Variants in PELI1 observed in about 807,000 individuals in gnomAD.
PELI1 encodes the protein E3 ubiquitin-protein ligase pellino homolog 1.
In PELI1, 15 loss-of-function variants were observed where a neutral mutation model predicts 41.3. That is an observed-to-expected ratio of 0.36 (90% CI 0.24 to 0.56). The LOEUF (loss-of-function observed/expected upper bound fraction) is 0.56, where lower values mean the gene tolerates loss of function less well. PELI1 is among the 20% of genes least tolerant of loss of function. The pLI is 0.82. For synonymous variants in PELI1, 178 were observed against 180.1 expected (o/e 0.99, Z 0.09); for missense variants, 403 against 525.5 (o/e 0.77, Z 2.28).
chr2:64,137,558 T>A (rs898413607), intron 1 of PELI1, among the ~76,000 whole-genome samples: 1 of 152,036 alleles, frequency 6.6e-6, no homozygotes, highest in Admixed American at 6.6e-5. Context: ...TACTAGTCAC[T>A]CTCAGAGGTT....
At position 64,116,535 on chromosome 2, in the gene PELI1, T is replaced by G. The variant is rs183451755; in HGVS notation, c.-69-8156A>C. On this transcript the variant is annotated intron_variant, in intron 1 of 6. Transcript: ENST00000358912. ...ACTGGTAGTCCCTTTTCATAATGGC[T>G]AACACTGAATTCAGTCTCTGTGCCA... Among the ~76,000 whole-genome samples, 129 of 152,336 alleles carry G rather than the reference T, an allele frequency of 8.5e-4. 1 individual carries two copies. Among genetic ancestry groups the G allele is most frequent in the Admixed American group, 2.9e-3 (45 of 15,308 alleles).
intron 1 of PELI1, among the ~76,000 whole-genome samples, chr2:64,137,592 C>T (rs1380175499): frequency 6.6e-6 from 1 of 152,064 alleles, no homozygotes; most frequent in Non-Finnish European, 1.5e-5. Flanking sequence ...CCAAATGATG[C>T]TACAATTATC....
At chr2:64,116,781 G>GT (rs1681007505) in intron 1 of PELI1, among the ~76,000 whole-genome samples, 1 of 152,134 alleles carries the variant, frequency 6.6e-6, no homozygotes. Flanking sequence ...CAGATACTGT[G>GT]TTTTTTACAA....
chr2:64,094,612 G>T lies in PELI1; in HGVS notation c.*90C>A. 1.2e-6 allele frequency: 1 copy of T among 802,772 alleles called. No homozygotes were observed. Among genetic ancestry groups the T allele is most frequent in the Non-Finnish European group, 2.0e-6 (1 of 495,938 alleles). 49.7% of individuals were successfully genotyped at this position (802,772 alleles called of 1,614,324 possible). A position where few individuals can be genotyped will look rare whatever the true frequency, so the allele number is the denominator to read the frequency against. The stretch of plus-strand genomic sequence containing the variant: ...CTTCATCTTAATGCAAATGACCAGA[G>T]CAGAAAAACTGTGACGTGGACAACA... On this transcript the variant is annotated 3_prime_UTR_variant, in exon 7 of 7. Coordinates refer to ENST00000358912, the MANE Select transcript of PELI1 (RefSeq NM_020651.4).
intron 6 of PELI1, among the ~76,000 whole-genome samples, chr2:64,095,906 G>C (rs1680217376): frequency 6.6e-6 from 1 of 152,174 alleles, no homozygotes; most frequent in African/African-American, 2.4e-5. Context: ...GCCTTCCAAA[G>C]TGCTGGGATT....
At chr2:64,141,087 CAG>C (rs1461572526) in intron 1 of PELI1, among the ~76,000 whole-genome samples, 1 of 152,162 alleles carries the variant, frequency 6.6e-6, no homozygotes, top group Non-Finnish European at 1.5e-5. Flanking sequence ...AATCTATAAA[CAG>C]AAAGTGCTAA....
At position 64,094,656 on chromosome 2, in the gene PELI1, A is replaced by G. The variant is rs1680165957; in HGVS notation, c.*46T>C. ...GACAACAGGTTCGAAAACCCAACTC[A>G]CTTAGCTTATAAATTTATAATGTAG... On this transcript the variant is annotated 3_prime_UTR_variant, in exon 7 of 7. Coordinates refer to ENST00000358912, the MANE Select transcript of PELI1 (RefSeq NM_020651.4). The G allele has an allele frequency of 2.1e-6, 3 of 1,446,030 alleles. No homozygotes were observed. In the Admixed American group the frequency reaches 5.3e-5, roughly 26 times the overall value. 89.6% of individuals were successfully genotyped at this position (1,446,030 alleles called of 1,614,324 possible). A position where few individuals can be genotyped will look rare whatever the true frequency, so the allele number is the denominator to read the frequency against.
intron 1 of PELI1, among the ~76,000 whole-genome samples, chr2:64,133,972 T>C (rs966124584): frequency 3.3e-5 from 5 of 152,120 alleles, no homozygotes; most frequent in Non-Finnish European, 7.4e-5. Flanking sequence ...TCTGACATTC[T>C]TACTTCATGT....
chr2:64,099,429 A>G (rs916516754), intron 4 of PELI1, among the ~76,000 whole-genome samples: 3 of 152,214 alleles, frequency 2.0e-5, no homozygotes, highest in Non-Finnish European at 4.4e-5. Flanking sequence ...GGATCTAAAC[A>G]TTAATCTTCC....
intron 1 of PELI1, among the ~76,000 whole-genome samples, chr2:64,121,808 G>C (rs1681221811): frequency 6.6e-6 from 1 of 151,938 alleles, no homozygotes; most frequent in African/African-American, 2.4e-5. Context: ...GGGAGGCTGA[G>C]GCAGGAGAAT....
At chr2:64,120,250 A>G (rs1340535234) in intron 1 of PELI1, among the ~76,000 whole-genome samples, 2 of 152,220 alleles carry the variant, frequency 1.3e-5, no homozygotes, top group Admixed American at 6.5e-5. Context: ...TCCATTCTAG[A>G]AAGTACTGCC....
At chr2:64,099,757 G>A (rs546429890) in intron 4 of PELI1, among the ~76,000 whole-genome samples, 5 of 152,160 alleles carry the variant, frequency 3.3e-5, no homozygotes, top group Non-Finnish European at 7.4e-5. Flanking sequence ...AATATTAAGG[G>A]AGAAGATCAA....
At chr2:64,126,801 A>G (rs2103728384) in intron 1 of PELI1, among the ~76,000 whole-genome samples, 1 of 152,222 alleles carries the variant, frequency 6.6e-6, no homozygotes, top group Non-Finnish European at 1.5e-5. Flanking sequence ...GGACTTTGAT[A>G]AGTGAAAAAA....
At chr2:64,116,443 G>A (rs1258788884) in intron 1 of PELI1, among the ~76,000 whole-genome samples, 1 of 152,090 alleles carries the variant, frequency 6.6e-6, no homozygotes, top group Non-Finnish European at 1.5e-5. Flanking sequence ...CAGTTATTTG[G>A]AACAAAAACA....
At chr2:64,095,365 G>C (rs900946750) in intron 6 of PELI1, 97 bp from the exon 7 acceptor site, 4 of 696,962 alleles carry the variant, frequency 5.7e-6, no homozygotes, top group Non-Finnish European at 9.8e-6. Flanking sequence ...AAGAAATGAG[G>C]TTTCCTAGGA....
chr2:64,099,330 A>T (rs900734631), intron 4 of PELI1, among the ~76,000 whole-genome samples: 8 of 129,318 alleles, frequency 6.2e-5, no homozygotes, highest in Non-Finnish European at 1.3e-4. Context: ...TCTTGATTTT[A>T]AAAAAAAGCT....
chr2:64,112,741 CA>C (rs1227512366), intron 1 of PELI1, among the ~76,000 whole-genome samples: 1 of 152,034 alleles, frequency 6.6e-6, no homozygotes, highest in Non-Finnish European at 1.5e-5. Context: ...AGATAGTTTT[CA>C]AAATTTAAAA....
At chr2:64,115,305 C>T (rs11673747) in intron 1 of PELI1, among the ~76,000 whole-genome samples, 34,437 of 151,898 alleles carry the variant, frequency 0.23, 5,189 homozygotes, top group East Asian at 0.74. Flanking sequence ...ACTAAGGGGC[C>T]CATATTTAGA....
intron 1 of PELI1, among the ~76,000 whole-genome samples, chr2:64,127,623 T>C (rs1215906292): frequency 2.0e-5 from 3 of 152,232 alleles, no homozygotes; most frequent in African/African-American, 7.2e-5. Context: ...GTTAAAAATA[T>C]ATTCATTTAA....
Sources: allele counts gnomAD v4.1 joint callset (sites outside exome capture counted in the v4.1 genomes callset), GRCh38; gene constraint gnomAD v4.1.1; transcripts MANE v1.5; gene names NCBI Gene and HGNC (gene_info 2026-07-23, HGNC 2026-07-21).